The following PRMT8 variants were observed in gnomAD, a reference collection of about 807,000 sequenced individuals.
PRMT8 encodes protein arginine N-methyltransferase 8.
A neutral mutation model predicts 47.1 loss-of-function variants in PRMT8; 7 were observed. The observed-to-expected ratio is 0.15, with a 90% CI of 0.08 to 0.28. PRMT8 has a LOEUF of 0.28. Among genes scored for constraint, PRMT8 ranks in the 10% least tolerant of loss-of-function variants. The pLI is 1.00. For synonymous variants in PRMT8, 188 were observed against 186.5 expected, an observed-to-expected ratio of 1.01 and a Z score of -0.07; for missense variants, 237 against 505.4, an observed-to-expected ratio of 0.47 and a Z score of 5.09.
Position 3,569,370 on chromosome 12 carries a change from T to C in PRMT8, c.625-107T>C. On this transcript the variant is annotated intron_variant, in intron 5 of 9. Coordinates refer to ENST00000382622, the MANE Select transcript of PRMT8 (RefSeq NM_019854.5). This position sits in a 1 kb window ranked among gnomAD's most constrained non-coding sequence, Gnocchi z 8.2. ...AGGTGACAGTCCACTGCATGAGAGA[T>C]GGTGGCAAGGGGGTGCTTGTCTGGT... 1.1e-6 allele frequency: 1 copy of C among 904,698 alleles called. No homozygotes were observed. Among genetic ancestry groups the C allele is most frequent in the East Asian group, 2.4e-5 (1 of 41,424 alleles). The allele number at this position is 904,698 out of a possible 1,614,324, so 56.0% of individuals were successfully genotyped here. A position where few individuals can be genotyped will look rare whatever the true frequency, so the allele number is the denominator to read the frequency against.
chr12:3,523,682 A>G (rs576425441), intron 1 of PRMT8, among the ~76,000 whole-genome samples: 2 of 152,328 alleles, frequency 1.3e-5, no homozygotes, highest in South Asian at 4.1e-4. Flanking sequence ...GGCACAGGGT[A>G]GTTCTGTTTC....
chr12:3,396,375 G>A (rs1220038369), intron 1 of PRMT8, among the ~76,000 whole-genome samples: 4 of 152,146 alleles, frequency 2.6e-5, no homozygotes, highest in South Asian at 4.2e-4. Context: ...CATGTTTAGC[G>A]CTTCCTTCAG....
At chr12:3,421,420 G>C (rs34669111) in intron 1 of PRMT8, among the ~76,000 whole-genome samples, 3 of 152,210 alleles carry the variant, frequency 2.0e-5, no homozygotes, top group African/African-American at 7.2e-5. Flanking sequence ...ATCCTGCCGG[G>C]GGGTGGGGTG....
chr12:3,492,210 C>A lies in PRMT8; in HGVS notation c.75+510C>A, dbSNP rs732842. 0.19 allele frequency among the ~76,000 whole-genome samples: 28,216 copies of A among 151,894 alleles called. 2,725 individuals are homozygous for A. Among genetic ancestry groups the A allele is most frequent in the African/African-American group, 0.21 (8,637 of 41,428 alleles). On this transcript the variant is annotated intron_variant, in intron 1 of 9. Transcript: ENST00000382622. This position sits in a 1 kb window ranked among gnomAD's most constrained non-coding sequence, Gnocchi z 7.5. ...TTCCCGAGCTCTCCGTCCCCGCAGC[C>A]GCGCGGAGAGCCCCCGGCCGCGGGG...
intron 1 of PRMT8, among the ~76,000 whole-genome samples, chr12:3,524,080 T>C (rs763153617): frequency 4.6e-5 from 7 of 152,230 alleles, no homozygotes; most frequent in Non-Finnish European, 8.8e-5. Flanking sequence ...TTAGTTCAAC[T>C]GGCCATTCCA....
chr12:3,463,115 A>G (rs971132612), intron 1 of PRMT8: 1 of 152,188 alleles, frequency 6.6e-6, no homozygotes, highest in Non-Finnish European at 1.5e-5. Context: ...TATCCCTGAC[A>G]TTATGCTTAG....
intron 1 of PRMT8, among the ~76,000 whole-genome samples, chr12:3,481,191 C>G (rs1865271164): frequency 2.0e-5 from 3 of 152,240 alleles, no homozygotes. Context: ...ACCCCACATA[C>G]TATCTGAGAG....
upstream of PRMT8, among the ~76,000 whole-genome samples, chr12:3,490,985 T>G (rs1865384955): frequency 6.6e-6 from 1 of 151,902 alleles, no homozygotes; most frequent in South Asian, 2.1e-4. Context: ...GGCGCCGGCT[T>G]TCTCTGGGCC....
chr12:3,509,817 T>C (rs1284467348), intron 1 of PRMT8, among the ~76,000 whole-genome samples: 3 of 152,248 alleles, frequency 2.0e-5, no homozygotes, highest in Non-Finnish European at 4.4e-5. Flanking sequence ...TGTTCACTGC[T>C]GAAGAGCAAA....
intron 1 of PRMT8, among the ~76,000 whole-genome samples, chr12:3,445,721 C>T (rs886586576): frequency 3.3e-5 from 5 of 152,182 alleles, no homozygotes; most frequent in Non-Finnish European, 4.4e-5. Flanking sequence ...ATATTTCCGA[C>T]GCTGGAGATT....
intron 4 of PRMT8, among the ~76,000 whole-genome samples, chr12:3,560,276 G>C (rs1177055114): frequency 2.6e-5 from 4 of 152,146 alleles, no homozygotes; most frequent in Non-Finnish European, 5.9e-5. Context: ...TAGGTGTAGA[G>C]ACATAAATAA....
chr12:3,440,464 CAAACA>C (rs58748503), intron 1 of PRMT8, among the ~76,000 whole-genome samples: 152 of 148,400 alleles, frequency 1.0e-3, no homozygotes, highest in East Asian at 8.7e-3. Context: ...TCCGTCAAAA[CAAACA>C]AAACAAAACA....
At chr12:3,522,370 G>GA (rs1331733047) in intron 1 of PRMT8, among the ~76,000 whole-genome samples, 3 of 152,142 alleles carry the variant, frequency 2.0e-5, no homozygotes, top group South Asian at 4.2e-4. Context: ...ACCACTTAAA[G>GA]AAAAACAAGC....
intron 1 of PRMT8, among the ~76,000 whole-genome samples, chr12:3,477,959 C>T (rs1481392146): frequency 3.3e-5 from 5 of 152,156 alleles, no homozygotes; most frequent in Non-Finnish European, 7.3e-5. Context: ...TGTATAATCA[C>T]AGTAGCTGGA....
intron 7 of PRMT8, among the ~76,000 whole-genome samples, chr12:3,577,671 T>C (rs1336905258): frequency 8.0e-6 from 1 of 124,320 alleles, no homozygotes; most frequent in Non-Finnish European, 1.7e-5. Flanking sequence ...AGAGACTTTT[T>C]TGTGGGATTT....
chr12:3,444,783 G>A (rs899931226), intron 1 of PRMT8, among the ~76,000 whole-genome samples: 3 of 152,260 alleles, frequency 2.0e-5, no homozygotes, highest in South Asian at 2.1e-4. Context: ...AATGGCAAGA[G>A]TGGAAGGGAC....
intron 1 of PRMT8, among the ~76,000 whole-genome samples, chr12:3,519,860 A>G (rs1865854907): frequency 6.6e-6 from 1 of 152,218 alleles, no homozygotes; most frequent in Admixed American, 6.5e-5. Flanking sequence ...CTGCTCTTAC[A>G]GTGCCAGCCC....
intron 1 of PRMT8, among the ~76,000 whole-genome samples, chr12:3,507,346 C>A (rs1202240172): frequency 6.6e-6 from 1 of 152,130 alleles, no homozygotes; most frequent in Non-Finnish European, 1.5e-5. Context: ...TGGTCTCGAT[C>A]TCCTGACCTC....
At chr12:3,524,311 T>C (rs946806927) in intron 1 of PRMT8, among the ~76,000 whole-genome samples, 2 of 152,164 alleles carry the variant, frequency 1.3e-5, no homozygotes, top group Non-Finnish European at 2.9e-5. Context: ...AAACAACGCA[T>C]ACAGTGGTCC....
Sources: allele counts gnomAD v4.1 joint callset (sites outside exome capture counted in the v4.1 genomes callset), GRCh38; gene constraint gnomAD v4.1.1; non-coding constraint Gnocchi (gnomAD v3.1); transcripts MANE v1.5; gene names NCBI Gene and HGNC (gene_info 2026-07-23, HGNC 2026-07-21).